Variants in C12orf42 observed in about 807,000 individuals in gnomAD.
C12orf42 encodes chromosome 12 open reading frame 42.
A neutral mutation model predicts 21.6 loss-of-function variants in C12orf42; 25 were observed. That is an observed-to-expected ratio of 1.16 (90% confidence interval 0.84 to 1.62). C12orf42 has a LOEUF of 1.62. C12orf42 is among the 40% of genes most tolerant of loss of function. The probability of loss-of-function intolerance (pLI) is 0.00; values close to 1 mark genes in which losing one functional copy is unlikely to be tolerated. For missense variants in C12orf42, 483 were observed against 459.3 expected, an observed-to-expected ratio of 1.05 and a Z score of -0.47; for synonymous variants, 174 against 175.0, an observed-to-expected ratio of 0.99 and a Z score of 0.05.
At chr12:103,313,439 T>G (rs76071458) in intron 4 of C12orf42, among the ~76,000 whole-genome samples, 7,104 of 152,188 alleles carry the variant, frequency 0.047, 408 homozygotes, top group African/African-American at 0.14. Flanking sequence ...GTGGCAGAGG[T>G]TGGAGGCCAA....
At chr12:103,155,938 T>C in the C12orf42 span, among the ~76,000 whole-genome samples, 1 of 151,548 alleles carries the variant, frequency 6.6e-6, no homozygotes, top group African/African-American at 2.4e-5. Flanking sequence ...TTCTACATCT[T>C]ACATTTAATT....
At chr12:103,401,540 TA>T (rs1182793252) in intron 3 of C12orf42, 66 bp downstream of exon 3, 8 of 1,328,932 alleles carry the variant, frequency 6.0e-6, no homozygotes, top group South Asian at 1.3e-5. Context: ...TGCTTACATG[TA>T]AAGCAACTGA....
In C12orf42 at chr12:103,316,512, G is replaced by T. The variant is rs969970566; in HGVS notation, c.260-10167C>A. Among the ~76,000 whole-genome samples the T allele has an allele frequency of 3.9e-5, 6 of 152,132 alleles. No individual in the cohort carries two copies. The East Asian group carries it at 1.2e-3, about 29-fold the overall frequency. ...AAACTCATCTACATAAAAAAGAAAA[G>T]ACTTGGAGAAGGAATAAATAATATG... On this transcript the variant is annotated intron_variant, in intron 4 of 5. Coordinates refer to ENST00000548883, the MANE Select transcript of C12orf42 (RefSeq NM_198521.5).
intron 2 of C12orf42, among the ~76,000 whole-genome samples, chr12:103,453,025 CA>C (rs34639780): frequency 0.83 from 123,094 of 148,852 alleles, 50,784 homozygotes; most frequent in Admixed American, 0.88. Flanking sequence ...TATAGTATAT[CA>C]AAAAAAAAAA....
chr12:103,134,490 A>G, the C12orf42 span, among the ~76,000 whole-genome samples: 1 of 152,040 alleles, frequency 6.6e-6, no homozygotes, highest in Non-Finnish European at 1.5e-5. Flanking sequence ...TAAAATCTTC[A>G]ACAATAGTGT....
intron 2 of C12orf42, among the ~76,000 whole-genome samples, chr12:103,453,997 T>C (rs1307409240): frequency 6.6e-6 from 1 of 152,090 alleles, no homozygotes; most frequent in Non-Finnish European, 1.5e-5. Flanking sequence ...TGATATCTCA[T>C]CTAACCACCC....
chr12:103,116,385 T>A, the C12orf42 span, among the ~76,000 whole-genome samples: 7,538 of 142,590 alleles, frequency 0.053, 279 homozygotes, highest in South Asian at 0.072. Context: ...AAAAAAAATA[T>A]ATATATATAT....
At chr12:103,319,727 T>G (rs2039897733) in intron 4 of C12orf42, among the ~76,000 whole-genome samples, 1 of 152,236 alleles carries the variant, frequency 6.6e-6, no homozygotes, top group Non-Finnish European at 1.5e-5. Context: ...TTACAAGCAT[T>G]TTTCTTCCCA....
At chr12:103,221,933 G>C in the C12orf42 span, among the ~76,000 whole-genome samples, 2 of 152,126 alleles carry the variant, frequency 1.3e-5, no homozygotes, top group African/African-American at 4.8e-5. Flanking sequence ...CAAACATAGT[G>C]TCCTGCAGTA....
At chr12:103,296,379 A>G (rs1381758640) in intron 4 of C12orf42, among the ~76,000 whole-genome samples, 2 of 152,170 alleles carry the variant, frequency 1.3e-5, no homozygotes, top group Admixed American at 1.3e-4. Flanking sequence ...GTATATACGC[A>G]GTAATGAGAT....
chr12:103,287,653 T>C (rs1593291350), intron 4 of C12orf42, among the ~76,000 whole-genome samples: 1 of 150,686 alleles, frequency 6.6e-6, no homozygotes, highest in East Asian at 2.0e-4. Context: ...CATGTATACA[T>C]ATATAACAAA....
At chr12:103,062,782 T>C in the C12orf42 span, among the ~76,000 whole-genome samples, 2 of 152,314 alleles carry the variant, frequency 1.3e-5, no homozygotes, top group Admixed American at 6.5e-5. Context: ...GCTTGAAGTC[T>C]ATTAATTTTG....
intron 2 of C12orf42, among the ~76,000 whole-genome samples, chr12:103,471,510 C>A (rs1027491291): frequency 1.3e-5 from 2 of 152,328 alleles, no homozygotes; most frequent in Non-Finnish European, 2.9e-5. Context: ...AGTTTGCTTA[C>A]ATTGATTTAG....
At chr12:103,397,264 T>C (rs1224895746) in intron 3 of C12orf42, among the ~76,000 whole-genome samples, 1 of 152,240 alleles carries the variant, frequency 6.6e-6, no homozygotes, top group East Asian at 1.9e-4. Flanking sequence ...CTCCTGTTAA[T>C]GAACATGTGC....
chr12:103,404,885 C>G (rs965249806), intron 2 of C12orf42, among the ~76,000 whole-genome samples: 1 of 152,206 alleles, frequency 6.6e-6, no homozygotes, highest in Non-Finnish European at 1.5e-5. Flanking sequence ...GTTCTGTTCA[C>G]GCTCACAGGC....
chr12:103,047,742 C>A, the C12orf42 span, among the ~76,000 whole-genome samples: 4 of 152,166 alleles, frequency 2.6e-5, no homozygotes. Context: ...CTGACATCAG[C>A]TTTGGGCCAG....
intron 4 of C12orf42, among the ~76,000 whole-genome samples, chr12:103,335,728 A>G (rs1017585089): frequency 1.3e-5 from 2 of 152,186 alleles, no homozygotes; most frequent in Non-Finnish European, 2.9e-5. Context: ...TTTGCAGACC[A>G]TCCTACCATG....
chr12:103,082,634 T>C, the C12orf42 span, among the ~76,000 whole-genome samples: 1 of 152,212 alleles, frequency 6.6e-6, no homozygotes, highest in Non-Finnish European at 1.5e-5. Context: ...ACATGGCACA[T>C]GTATACATAC....
At chr12:103,066,192 C>T in the C12orf42 span, among the ~76,000 whole-genome samples, 2 of 152,184 alleles carry the variant, frequency 1.3e-5, no homozygotes, top group African/African-American at 4.8e-5. Flanking sequence ...TATGGGTCAT[C>T]AAGTCATCAT....
Sources: allele counts gnomAD v4.1 joint callset (sites outside exome capture counted in the v4.1 genomes callset), GRCh38; gene constraint gnomAD v4.1.1; transcripts MANE v1.5; gene names NCBI Gene and HGNC (gene_info 2026-07-23, HGNC 2026-07-21).